TCAIM: variants seen among roughly 807,000 people sequenced by gnomAD.
TCAIM encodes T cell activation inhibitor, mitochondrial, also known as T-cell activation inhibitor, mitochondrial.
TCAIM carries 36 observed loss-of-function variants against 58.6 expected under a neutral mutation model. The ratio of observed to expected loss-of-function variants is 0.61; its 90% CI spans 0.47 to 0.81. The LOEUF is 0.81. TCAIM is among the 30% of genes least tolerant of loss of function. The probability of loss-of-function intolerance (pLI) is 0.00; values close to 1 mark genes in which losing one functional copy is unlikely to be tolerated. For synonymous variants in TCAIM, 172 were observed against 193.6 expected (o/e 0.89, Z 0.93); for missense variants, 466 against 579.6 (o/e 0.80, Z 2.01).
intron 2 of TCAIM, among the ~76,000 whole-genome samples, chr3:44,356,990 G>C (rs541356401): frequency 6.7e-6 from 1 of 148,724 alleles, no homozygotes; most frequent in South Asian, 2.2e-4. Context: ...CAAAAAAAAA[G>C]AATGAGAATA....
chr3:44,379,457 A>T (rs186723869), intron 5 of TCAIM, among the ~76,000 whole-genome samples: 151 of 152,284 alleles, frequency 9.9e-4, no homozygotes, highest in Non-Finnish European at 8.4e-4. Context: ...TAGCAAAAAC[A>T]TGGAATCAAC....
intron 5 of TCAIM, among the ~76,000 whole-genome samples, chr3:44,386,016 A>T (rs1359944175): frequency 1.3e-5 from 2 of 151,720 alleles, no homozygotes; most frequent in African/African-American, 4.8e-5. Flanking sequence ...CCTGTTTTTT[A>T]ATTTTAATTT....
At chr3:44,383,634 C>G (rs1169196930) in intron 5 of TCAIM, among the ~76,000 whole-genome samples, 2 of 151,924 alleles carry the variant, frequency 1.3e-5, no homozygotes, top group Non-Finnish European at 2.9e-5. Flanking sequence ...GTGATAGTTG[C>G]ACAACAATGT....
intron 7 of TCAIM, 112 bp from the exon 8 acceptor site, chr3:44,396,631 A>G: frequency 1.4e-6 from 2 of 1,418,886 alleles, no homozygotes; most frequent in Non-Finnish European, 1.9e-6. Context: ...GTGGCATAAA[A>G]TTAGCCTTTA....
chr3:44,345,668 G>A (rs1700951908), intron 1 of TCAIM, among the ~76,000 whole-genome samples: 1 of 152,176 alleles, frequency 6.6e-6, no homozygotes, highest in Admixed American at 6.5e-5. Flanking sequence ...GGTGGAGATA[G>A]CTGGGGAGAG....
intron 10 of TCAIM, among the ~76,000 whole-genome samples, chr3:44,404,821 A>C (rs915385994): frequency 6.3e-5 from 9 of 143,524 alleles, no homozygotes; most frequent in African/African-American, 2.3e-4. Context: ...TTTTTATGGC[A>C]AAAAACTGCA....
chr3:44,350,806 T>C (rs567193738), intron 1 of TCAIM, among the ~76,000 whole-genome samples: 1 of 152,364 alleles, frequency 6.6e-6, no homozygotes, highest in South Asian at 2.1e-4. Flanking sequence ...TTTAATATCC[T>C]ACCACCTAGA....
chr3:44,358,412 G>A (rs745762206), intron 3 of TCAIM: 1 of 609,602 alleles, frequency 1.6e-6, no homozygotes, highest in Non-Finnish European at 2.8e-6. Context: ...TCATATCCAT[G>A]GGTTTTACAT....
chr3:44,402,416 AT>A (rs1301361164), intron 10 of TCAIM, among the ~76,000 whole-genome samples: 5 of 145,560 alleles, frequency 3.4e-5, no homozygotes, highest in Non-Finnish European at 6.2e-5. Flanking sequence ...TCTCAAAAAA[AT>A]ATATGTATCA....
At chr3:44,399,888 C>T (rs1156542024) in intron 8 of TCAIM, among the ~76,000 whole-genome samples, 2 of 152,138 alleles carry the variant, frequency 1.3e-5, no homozygotes, top group African/African-American at 4.8e-5. Flanking sequence ...CTTGAAGTGT[C>T]CAGCTCAGTG....
At chr3:44,352,394 G>A (rs1181029437) in intron 1 of TCAIM, among the ~76,000 whole-genome samples, 2 of 152,146 alleles carry the variant, frequency 1.3e-5, no homozygotes, top group Non-Finnish European at 2.9e-5. Flanking sequence ...TCTTGCTAAA[G>A]AGCTACATTA....
At position 44,361,508 on chromosome 3, in the gene TCAIM, T is replaced by C. The variant is rs1701295539; in HGVS notation, c.309T>C (p.Phe103=). Reference sequence around the variant, plus strand: ...GTTCCTCCGATGGCCAGGAACCTTTTAGTACTTCCGGTACGTTTTTTATTT... The same window carrying C: ...GTTCCTCCGATGGCCAGGAACCTTTCAGTACTTCCGGTACGTTTTTTATTT... ...DQSSSDGQEP[F]STSGFRAVKF... is the part of the protein sequence containing the mutation. Residue 103 remains phenylalanine (F), a synonymous_variant, in exon 4 of 11, where the codon TTT becomes TTC. Coordinates refer to ENST00000342649, the MANE Select transcript of TCAIM (RefSeq NM_173826.4). 2 of 1,594,866 alleles carry C rather than the reference T, an allele frequency of 1.3e-6. No homozygotes were observed. The highest frequency in any genetic ancestry group is 1.7e-6 in the Non-Finnish European group (2 of 1,173,462).
chr3:44,354,830 T>C lies in TCAIM; in HGVS notation c.29+19T>C. ...TGAGGAGGTAAGCATCATGGTCCAATCTGTAATTAGTATTGTGGCGGGGGG... is the reference window on the plus strand; with the variant it reads ...TGAGGAGGTAAGCATCATGGTCCAACCTGTAATTAGTATTGTGGCGGGGGG... On this transcript the variant is annotated intron_variant, in intron 2 of 10. Coordinates refer to ENST00000342649, the MANE Select transcript of TCAIM (RefSeq NM_173826.4). The C allele has an allele frequency of 1.2e-6, 2 of 1,609,506 alleles. No homozygotes were observed. The highest frequency in any genetic ancestry group is 1.7e-6 in the Non-Finnish European group (2 of 1,178,878).
intron 5 of TCAIM, among the ~76,000 whole-genome samples, chr3:44,384,450 A>T (rs1413022043): frequency 5.9e-5 from 9 of 152,162 alleles, no homozygotes. Context: ...ATAATAAAAG[A>T]CTCATCTTTC....
chr3:44,350,544 C>T (rs986926023), intron 1 of TCAIM, among the ~76,000 whole-genome samples: 2 of 151,820 alleles, frequency 1.3e-5, no homozygotes, highest in African/African-American at 4.8e-5. Flanking sequence ...GCCATCCTTA[C>T]CTTAGCTTTC....
chr3:44,364,155 T>G (rs1701334143), intron 4 of TCAIM, among the ~76,000 whole-genome samples: 1 of 151,158 alleles, frequency 6.6e-6, no homozygotes, highest in African/African-American at 2.4e-5. Context: ...TCTCGATCTC[T>G]TAACCCCGTG....
chr3:44,344,806 T>C (rs1700931348), intron 1 of TCAIM, among the ~76,000 whole-genome samples: 1 of 151,574 alleles, frequency 6.6e-6, no homozygotes. Flanking sequence ...GGGTAGGTAG[T>C]GGGGAAGATT....
intron 1 of TCAIM, among the ~76,000 whole-genome samples, 190 bp from the exon 2 acceptor site, chr3:44,354,549 G>A (rs891995080): frequency 1.3e-5 from 2 of 152,118 alleles, no homozygotes; most frequent in Non-Finnish European, 2.9e-5. Flanking sequence ...TGAACATGGA[G>A]TATCTCTCCA....
intron 6 of TCAIM, among the ~76,000 whole-genome samples, chr3:44,395,200 A>C (rs2125653620): frequency 6.6e-6 from 1 of 151,984 alleles, no homozygotes; most frequent in South Asian, 2.1e-4. Flanking sequence ...TTTTAATTTC[A>C]AGTAATCAAA....
Sources: gnomAD v4.1 joint callset for allele counts (sites outside exome capture counted in the v4.1 genomes callset) on GRCh38, gnomAD v4.1.1 for gene constraint, MANE v1.5 for transcripts, NCBI Gene and HGNC (gene_info 2026-07-23, HGNC 2026-07-21) for gene names.